TGFBR3: variants seen among roughly 807,000 people sequenced by gnomAD.
TGFBR3 encodes transforming growth factor beta receptor type 3.
In TGFBR3, 46 loss-of-function variants were observed where a neutral mutation model predicts 87.9. The observed-to-expected ratio is 0.52, with a 90% CI of 0.41 to 0.67. The LOEUF (loss-of-function observed/expected upper bound fraction) is 0.67, where lower values mean the gene tolerates loss of function less well. Ranked by LOEUF, TGFBR3 falls within the 30% of genes least tolerant of loss-of-function variation. The pLI is 0.00. For synonymous variants in TGFBR3, 381 were observed against 391.6 expected (o/e 0.97, Z 0.32); for missense variants, 866 against 1,041.9 (o/e 0.83, Z 2.32).
intron 1 of TGFBR3, among the ~76,000 whole-genome samples, chr1:91,882,138 C>CTT (rs533806602): frequency 3.1e-5 from 4 of 129,598 alleles, no homozygotes; most frequent in South Asian, 2.5e-4. Flanking sequence ...AATTGAAAAC[C>CTT]TTTTTTTTTT....
chr1:91,746,982 G>A (rs1259516267), intron 4 of TGFBR3, among the ~76,000 whole-genome samples: 2 of 152,134 alleles, frequency 1.3e-5, no homozygotes, highest in Non-Finnish European at 2.9e-5. Flanking sequence ...TAAAACACTA[G>A]GAAATATGAT....
At chr1:91,881,845 G>A (rs913706542) in intron 1 of TGFBR3, among the ~76,000 whole-genome samples, 28 of 151,816 alleles carry the variant, frequency 1.8e-4, no homozygotes, top group Admixed American at 5.3e-4. Context: ...CAAGACCATC[G>A]GGGCTAACAC....
At chr1:91,841,927 C>T (rs1349069291) in intron 2 of TGFBR3, among the ~76,000 whole-genome samples, 1 of 151,736 alleles carries the variant, frequency 6.6e-6, no homozygotes, top group Non-Finnish European at 1.5e-5. Context: ...AGCAAAACCC[C>T]GTCTCTACCA....
Position 91,722,077 on chromosome 1 carries a change from T to C in TGFBR3, c.953A>G (p.Asp318Gly), listed in dbSNP as rs1672389465. The change falls in exon 8 of 17, where the codon GAT becomes GGT. Residue 318 changes from aspartate (D) to glycine (G), a missense_variant. Coordinates refer to ENST00000212355, the MANE Select transcript of TGFBR3 (RefSeq NM_003243.5). Reference protein sequence around the residue: ...RSMTMTKSIRDDIPSTQGNLV... With the variant: ...RSMTMTKSIRGDIPSTQGNLV... ...ATTCCCTTGGGTTGAAGGAATGTCATCTCTTATTGATTTGGTCATTGTCAT... is the reference window on the plus strand; with the variant it reads ...ATTCCCTTGGGTTGAAGGAATGTCACCTCTTATTGATTTGGTCATTGTCAT... 1 of 1,613,868 alleles carries C rather than the reference T, an allele frequency of 6.2e-7. No individual in the cohort carries two copies. The highest frequency in any genetic ancestry group is 8.5e-7 in the Non-Finnish European group (1 of 1,179,954).
At chr1:91,771,314 T>C (rs965371085) in intron 3 of TGFBR3, among the ~76,000 whole-genome samples, 6 of 152,222 alleles carry the variant, frequency 3.9e-5, no homozygotes. Context: ...AGATATACTT[T>C]ATGTATATAT....
intron 1 of TGFBR3, among the ~76,000 whole-genome samples, chr1:91,874,852 G>A (rs1339443124): frequency 1.3e-5 from 2 of 152,070 alleles, no homozygotes; most frequent in Non-Finnish European, 2.9e-5. Context: ...CAATCATTCT[G>A]GCTATTGGGT....
chr1:91,893,468 G>A (rs1176384730), intron 2 of TGFBR3, among the ~76,000 whole-genome samples: 1 of 152,024 alleles, frequency 6.6e-6, no homozygotes, highest in African/African-American at 2.4e-5. Context: ...ATTTTCTGTA[G>A]AGCAGGGTTT....
chr1:91,901,741 T>A (rs1353139402), intron 1 of TGFBR3, among the ~76,000 whole-genome samples: 1 of 130,810 alleles, frequency 7.6e-6, no homozygotes, highest in Non-Finnish European at 1.7e-5. Flanking sequence ...TAGCAAGACC[T>A]GGTGCTTAAA....
chr1:91,798,465 C>T (rs1300567345), intron 2 of TGFBR3, among the ~76,000 whole-genome samples: 1 of 152,142 alleles, frequency 6.6e-6, no homozygotes, highest in Non-Finnish European at 1.5e-5. Flanking sequence ...TCCAGACACA[C>T]CAGGATGTTT....
chr1:91,749,832 C>A (rs1307174484), intron 4 of TGFBR3, among the ~76,000 whole-genome samples: 2 of 152,188 alleles, frequency 1.3e-5, no homozygotes, highest in African/African-American at 4.8e-5. Flanking sequence ...TATTCTGCAA[C>A]CTTCCTTAAC....
At chr1:91,777,525 A>C (rs1404024069) in intron 3 of TGFBR3, among the ~76,000 whole-genome samples, 2 of 152,002 alleles carry the variant, frequency 1.3e-5, no homozygotes, top group African/African-American at 4.8e-5. Flanking sequence ...AAAAAGCAGC[A>C]CCAGGCAAGC....
intron 3 of TGFBR3, among the ~76,000 whole-genome samples, chr1:91,764,932 T>C (rs919183071): frequency 2.0e-5 from 3 of 152,164 alleles, no homozygotes; most frequent in Admixed American, 1.3e-4. Flanking sequence ...CCTGGCACTA[T>C]AATGAACTGC....
At chr1:91,890,156 A>C (rs1005869787), upstream of TGFBR3, among the ~76,000 whole-genome samples, 4 of 152,086 alleles carry the variant, frequency 2.6e-5, no homozygotes. Flanking sequence ...CAGGGGGGTG[A>C]AATTGAGGTG....
chr1:91,779,498 T>C (rs1047654237), intron 3 of TGFBR3, among the ~76,000 whole-genome samples: 2 of 152,218 alleles, frequency 1.3e-5, no homozygotes, highest in Non-Finnish European at 2.9e-5. Flanking sequence ...AGAGGCCCAC[T>C]GCCTCTCAAG....
intron 4 of TGFBR3, among the ~76,000 whole-genome samples, chr1:91,745,209 C>A (rs1673299637): frequency 6.6e-6 from 1 of 152,180 alleles, no homozygotes. Context: ...ATAGACTCCT[C>A]CCCCTCTTCT....
At chr1:91,775,349 G>A (rs569364764) in intron 3 of TGFBR3, among the ~76,000 whole-genome samples, 6 of 152,158 alleles carry the variant, frequency 3.9e-5, no homozygotes, top group Admixed American at 6.5e-5. Context: ...TCTCCCCCTT[G>A]CTAACTCCAC....
intron 4 of TGFBR3, among the ~76,000 whole-genome samples, chr1:91,754,271 C>CT (rs541476682): frequency 4.6e-5 from 7 of 151,400 alleles, no homozygotes; most frequent in Non-Finnish European, 1.0e-4. Context: ...AGTTATCTTA[C>CT]TTTTTTTTTC....
intron 2 of TGFBR3, among the ~76,000 whole-genome samples, chr1:91,803,845 T>C (rs180941212): frequency 1.3e-5 from 2 of 152,300 alleles, no homozygotes; most frequent in Admixed American, 1.3e-4. Context: ...TATTTTTTCA[T>C]ACTCTCATGG....
At chr1:91,787,571 G>A (rs1675015735) in intron 3 of TGFBR3, among the ~76,000 whole-genome samples, 1 of 152,166 alleles carries the variant, frequency 6.6e-6, no homozygotes, top group Non-Finnish European at 1.5e-5. Flanking sequence ...CCCAGGCAGA[G>A]TTTTTGGAGT....
Sources: gnomAD v4.1 joint callset for allele counts (sites outside exome capture counted in the v4.1 genomes callset) on GRCh38, gnomAD v4.1.1 for gene constraint, MANE v1.5 for transcripts, NCBI Gene and HGNC (gene_info 2026-07-23, HGNC 2026-07-21) for gene names.